Variants in FOXN3 observed in about 807,000 individuals in gnomAD.
FOXN3 encodes the protein forkhead box protein N3.
FOXN3 carries 7 observed loss-of-function variants against 38.4 expected under a neutral mutation model. The observed-to-expected ratio is 0.18, with a 90% confidence interval of 0.10 to 0.34. FOXN3 has a LOEUF of 0.34. Among genes scored for constraint, FOXN3 ranks in the 10% least tolerant of loss-of-function variants. The pLI, the probability that FOXN3 is intolerant of heterozygous loss-of-function variation, is 1.00. For synonymous variants in FOXN3, 230 were observed against 242.2 expected (o/e 0.95, Z 0.47); for missense variants, 456 against 613.4 (o/e 0.74, Z 2.71).
intron 4 of FOXN3, among the ~76,000 whole-genome samples, chr14:89,204,926 G>A (rs1314859173): frequency 1.3e-5 from 2 of 152,094 alleles, no homozygotes; most frequent in African/African-American, 4.8e-5. Flanking sequence ...AATTAAGTAT[G>A]GAAATGTAGA....
At chr14:89,359,839 G>A (rs923758157) in intron 2 of FOXN3, among the ~76,000 whole-genome samples, 18 of 152,196 alleles carry the variant, frequency 1.2e-4, no homozygotes, top group African/African-American at 4.3e-4. Flanking sequence ...GGGCAGAGGT[G>A]GATAAGAGAA....
intron 3 of FOXN3, among the ~76,000 whole-genome samples, chr14:89,289,706 G>A (rs971470945): frequency 2.6e-5 from 4 of 152,114 alleles, no homozygotes; most frequent in Non-Finnish European, 5.9e-5. Flanking sequence ...TAAAAGCGTG[G>A]GCGGAAATAC....
At position 89,531,528 on chromosome 14, in the gene FOXN3, TTCTC is replaced by T. The variant is rs556574409; in HGVS notation, c.-15+87496_-15+87499del. Among the ~76,000 whole-genome samples the T allele has an allele frequency of 1.3e-3, 202 of 152,362 alleles. 1 individual carries two copies. The highest frequency in any genetic ancestry group is 4.6e-3 in the African/African-American group (192 of 41,594). ...TTCTGATTTCTTTAGGACTTTCTCT[TTCTC>T]TCTTGCTTCGACACTTGTGGAATCC... On this transcript the variant is annotated intron_variant, in intron 1 of 6. Coordinates refer to the FOXN3 transcript ENST00000345097.
rs557530498 is a variant in FOXN3 at position 89,347,473 on chromosome 14, G to A, written c.680+3199C>T. ...GCCCACAGAAGGAACCAACCCTGCC[G>A]ACACATTGGTCTCGGACTTCCAGCC... On this transcript the variant is annotated intron_variant, in intron 3 of 5. Transcript: ENST00000557258. Among the ~76,000 whole-genome samples, 6 of 152,278 alleles carry A rather than the reference G, an allele frequency of 3.9e-5. No individual in the cohort carries two copies. In the South Asian group the frequency reaches 8.3e-4, roughly 21 times the overall value.
intron 4 of FOXN3, among the ~76,000 whole-genome samples, chr14:89,213,674 G>GCC (rs1884172560): frequency 2.0e-5 from 3 of 152,180 alleles, no homozygotes; most frequent in East Asian, 3.8e-4. Context: ...CTGGTTTGAG[G>GCC]ACATGAGCCT....
At chr14:89,249,073 T>C (rs1364255431) in intron 4 of FOXN3, among the ~76,000 whole-genome samples, 3 of 152,250 alleles carry the variant, frequency 2.0e-5, no homozygotes. Flanking sequence ...AAGAAAGCTC[T>C]TGCTTTAAAA....
intron 4 of FOXN3, among the ~76,000 whole-genome samples, chr14:89,247,315 T>C (rs186703493): frequency 7.9e-5 from 12 of 152,304 alleles, no homozygotes; most frequent in Admixed American, 2.0e-4. Flanking sequence ...CAGTCAAAGG[T>C]TATTACATAC....
intron 4 of FOXN3, among the ~76,000 whole-genome samples, chr14:89,246,255 G>A (rs1002072542): frequency 6.6e-6 from 1 of 152,090 alleles, no homozygotes; most frequent in Non-Finnish European, 1.5e-5. Context: ...TCACAGTAAA[G>A]GGCTAAAGCT....
intron 1 of FOXN3, among the ~76,000 whole-genome samples, chr14:89,518,787 C>A (rs2139818324): frequency 6.6e-6 from 1 of 152,202 alleles, no homozygotes; most frequent in South Asian, 2.1e-4. Flanking sequence ...GAGGCTGAGG[C>A]CATTGGATCA....
At chr14:89,213,853 C>T (rs567361375) in intron 4 of FOXN3, among the ~76,000 whole-genome samples, 53 of 152,290 alleles carry the variant, frequency 3.5e-4, no homozygotes, top group African/African-American at 1.3e-3. Flanking sequence ...TTGCTTAAGG[C>T]TATACCTAAT....
At chr14:89,527,399 A>C (rs866712883) in intron 1 of FOXN3, among the ~76,000 whole-genome samples, 2 of 152,224 alleles carry the variant, frequency 1.3e-5, no homozygotes, top group African/African-American at 4.8e-5. Flanking sequence ...AAAATTAAGA[A>C]TGTCTGCTCT....
intron 2 of FOXN3, among the ~76,000 whole-genome samples, chr14:89,383,924 G>A (rs1890725991): frequency 1.3e-5 from 2 of 151,432 alleles, no homozygotes; most frequent in South Asian, 4.2e-4. Context: ...CGAGTAGCTG[G>A]AATTACAGGT....
chr14:89,557,756 A>G (rs139954572), intron 1 of FOXN3, among the ~76,000 whole-genome samples: 4,352 of 152,340 alleles, frequency 0.029, 141 homozygotes, highest in East Asian at 0.073. Context: ...CTGTAATCCC[A>G]GCACTTCAGG....
chr14:89,497,918 GTTT>G (rs1300990572), intron 1 of FOXN3, among the ~76,000 whole-genome samples: 15 of 123,596 alleles, frequency 1.2e-4, no homozygotes, highest in Middle Eastern at 3.6e-3. Context: ...CTGTTTGTTT[GTTT>G]GGTTTTTTTT....
intron 4 of FOXN3, among the ~76,000 whole-genome samples, chr14:89,218,891 C>T (rs574259724): frequency 4.6e-5 from 7 of 152,320 alleles, no homozygotes; most frequent in African/African-American, 1.7e-4. Context: ...ACGTAGGAAG[C>T]CTTTGTTTCT....
chr14:89,214,049 G>A (rs567724303), intron 4 of FOXN3, among the ~76,000 whole-genome samples: 18 of 152,280 alleles, frequency 1.2e-4, no homozygotes, highest in Non-Finnish European at 2.2e-4. Flanking sequence ...AAAATGTTCT[G>A]GAAGAAGTTA....
intron 1 of FOXN3, among the ~76,000 whole-genome samples, chr14:89,482,200 G>A (rs886152960): frequency 6.6e-6 from 1 of 152,216 alleles, no homozygotes; most frequent in African/African-American, 2.4e-5. Context: ...TAGTGACTCA[G>A]TGTTGCTGAG....
intron 2 of FOXN3, among the ~76,000 whole-genome samples, chr14:89,395,073 T>C (rs1891066717): frequency 2.0e-5 from 3 of 152,216 alleles, no homozygotes; most frequent in South Asian, 4.1e-4. Flanking sequence ...GCAACATTGT[T>C]ATGTAAGCTG....
chr14:89,420,270 C>T (rs934491636), upstream of FOXN3, among the ~76,000 whole-genome samples: 1 of 152,228 alleles, frequency 6.6e-6, no homozygotes, highest in Non-Finnish European at 1.5e-5. Context: ...ATTGGCCTAG[C>T]CTGAGTCACA....
Sources: allele counts gnomAD v4.1 joint callset (sites outside exome capture counted in the v4.1 genomes callset), GRCh38; gene constraint gnomAD v4.1.1; transcripts MANE v1.5; gene names NCBI Gene and HGNC (gene_info 2026-07-23, HGNC 2026-07-21).